BCL2L12: variants seen among roughly 807,000 people sequenced by gnomAD.
BCL2L12 encodes the protein bcl-2-like protein 12.
A neutral mutation model predicts 25.7 loss-of-function variants in BCL2L12; 27 were observed. The observed-to-expected ratio is 1.05, with a 90% CI of 0.78 to 1.45. The LOEUF (loss-of-function observed/expected upper bound fraction) is 1.45, where lower values mean the gene tolerates loss of function less well. BCL2L12 is among the 40% of genes most tolerant of loss of function. The pLI, the probability that BCL2L12 is intolerant of heterozygous loss-of-function variation, is 0.00. For synonymous variants in BCL2L12, 132 were observed against 145.6 expected (o/e 0.91, Z 0.67); for missense variants, 302 against 329.8 (o/e 0.92, Z 0.65).
At position 49,670,264 on chromosome 19, in the gene BCL2L12, G is replaced by T. The variant is rs1374872832; in HGVS notation, c.478G>T (p.Asp160Tyr). ...LRSKLVRLSSDSFARLVELFC... is the reference protein window; with the variant it reads ...LRSKLVRLSSYSFARLVELFC... ...CAGCAAGCTGGTCCGCCTGTCCTCC[G>T]ACTCTTTCGCCCGCCTGGTGGAGCT... Residue 160 changes from aspartate (D) to tyrosine (Y), a missense_variant, in exon 6 of 7, where the codon GAC becomes TAC. Physicochemically the swap from Asp to Tyr is radical, Grantham distance 160. Coordinates refer to ENST00000246784, the MANE Select transcript of BCL2L12 (RefSeq NM_138639.2). 2 of 1,610,374 alleles carry T rather than the reference G, an allele frequency of 1.2e-6. No individual in the cohort carries two copies. The highest frequency in any genetic ancestry group is 1.7e-6 in the Non-Finnish European group (2 of 1,179,584).
At chr19:49,671,544 G>A (rs1403394603) in intron 6 of BCL2L12, among the ~76,000 whole-genome samples, 1 of 152,154 alleles carries the variant, frequency 6.6e-6, no homozygotes, top group Non-Finnish European at 1.5e-5. Flanking sequence ...CAGAGGAGCC[G>A]GGAGGATCAC....
chr19:49,665,633 A>G (rs2081684435), upstream of BCL2L12: 5 of 687,658 alleles, frequency 7.3e-6, 1 homozygote, highest in Admixed American at 8.9e-5. Context: ...CGCGTTACCT[A>G]CGATGGAAGG....
intron 5 of BCL2L12, 117 bp downstream of exon 5, chr19:49,669,232 C>A: frequency 6.7e-7 from 1 of 1,496,058 alleles, no homozygotes; most frequent in South Asian, 1.3e-5. Flanking sequence ...GAGGCTGGGA[C>A]AAGGTTTCAA....
At chr19:49,673,216 C>G (rs1036796984) in intron 6 of BCL2L12, among the ~76,000 whole-genome samples, 3 of 151,862 alleles carry the variant, frequency 2.0e-5, no homozygotes, top group Non-Finnish European at 4.4e-5. Flanking sequence ...TGAGTTTTCT[C>G]GGTGGGCCAG....
At chr19:49,665,630 C>T (rs2081683748), upstream of BCL2L12, 3 of 676,330 alleles carry the variant, frequency 4.4e-6, no homozygotes, top group African/African-American at 1.8e-5. Flanking sequence ...TTCCGCGTTA[C>T]CTACGATGGA....
At chr19:49,665,683 A>G (rs3204440), upstream of BCL2L12, 52,898 of 1,172,822 alleles carry the variant, frequency 0.045, 1,317 homozygotes, top group Middle Eastern at 0.076. Context: ...CCTGTCTTGG[A>G]GCTCCGGGTA....
In BCL2L12 at chr19:49,666,671, C is replaced by T. The variant is rs1241665778; in HGVS notation, c.-8-14C>T. The stretch of plus-strand genomic sequence containing the variant: ...AAACCCTTGGAGTCCAGTCCCTAAC[C>T]CTCTCTCTCACAGGTGCCTCCATGG... On this transcript the variant is annotated splice_polypyrimidine_tract_variant and intron_variant, in intron 1 of 6. Transcript: ENST00000246784. 1 of 1,545,226 alleles carries T rather than the reference C, an allele frequency of 6.5e-7. No individual in the cohort carries two copies. The highest frequency in any genetic ancestry group is 2.4e-5 in the East Asian group (1 of 40,916).
intron 6 of BCL2L12, among the ~76,000 whole-genome samples, 181 bp from the exon 7 acceptor site, chr19:49,673,517 C>G (rs903799282): frequency 6.6e-6 from 1 of 152,114 alleles, no homozygotes; most frequent in African/African-American, 2.4e-5. Flanking sequence ...CTGCTAGGAC[C>G]CTGCCCCCTC....
intron 2 of BCL2L12, 30 bp downstream of exon 2, chr19:49,666,829 GC>G (rs1280266896): frequency 3.2e-6 from 5 of 1,544,714 alleles, no homozygotes; most frequent in South Asian, 1.2e-5. Context: ...TCCCCCAGGG[GC>G]CAGCATTTGA....
chr19:49,668,745 T>C, intron 3 of BCL2L12, 106 bp from the exon 4 acceptor site: 1 of 1,103,214 alleles, frequency 9.1e-7, no homozygotes, highest in Non-Finnish European at 1.3e-6. Context: ...AAATAAATAA[T>C]AAATAAAATG....
intron 2 of BCL2L12, 66 bp downstream of exon 2, chr19:49,666,865 G>C: frequency 1.3e-6 from 2 of 1,520,480 alleles, no homozygotes; most frequent in Non-Finnish European, 8.9e-7. Flanking sequence ...TCTTGCTCCT[G>C]GTCTCAGTCT....
chr19:49,668,599 G>A (rs1402702234), intron 3 of BCL2L12, among the ~76,000 whole-genome samples: 1 of 151,862 alleles, frequency 6.6e-6, no homozygotes, highest in Non-Finnish European at 1.5e-5. Flanking sequence ...AGGTCAGCCT[G>A]GGCAACACGG....
At chr19:49,665,703 C>A, upstream of BCL2L12, 2 of 1,366,556 alleles carry the variant, frequency 1.5e-6, no homozygotes, top group South Asian at 1.4e-5. Flanking sequence ...AGCTCTCAAA[C>A]TCGAGGCTGC....
chr19:49,669,322 G>A (rs1288036958), intron 5 of BCL2L12, among the ~76,000 whole-genome samples: 2 of 152,086 alleles, frequency 1.3e-5, no homozygotes, highest in African/African-American at 2.4e-5. Flanking sequence ...GATGACTTGA[G>A]GTCAGGAGTT....
Position 49,670,340 on chromosome 19 carries a change from C to T in BCL2L12, c.554C>T (p.Pro185Leu). The T allele has an allele frequency of 4.4e-6, 7 of 1,600,920 alleles. No individual in the cohort carries two copies. The highest frequency in any genetic ancestry group is 2.3e-5 in the East Asian group (1 of 44,366). ...SSRPSRACPGPPPPSPEPLAR... is the reference protein window; with the variant it reads ...SSRPSRACPGLPPPSPEPLAR... ...CGCCCAAGCCGAGCATGCCCCGGGC[C>T]CCCGCCTCCTTCCCCGGAGCCCCTG... is the stretch of plus-strand genomic sequence containing the variant. The change falls in exon 6 of 7, where the codon CCC becomes CTC. Residue 185 changes from proline to leucine, a missense_variant. Coordinates refer to ENST00000246784, the MANE Select transcript of BCL2L12 (RefSeq NM_138639.2).
chr19:49,671,938 T>G (rs1338705210), intron 6 of BCL2L12, among the ~76,000 whole-genome samples: 1 of 152,196 alleles, frequency 6.6e-6, no homozygotes, highest in Non-Finnish European at 1.5e-5. Flanking sequence ...TCCCCCTTCC[T>G]GCTTTACTTT....
intron 5 of BCL2L12, 27 bp from the exon 6 acceptor site, chr19:49,670,189 G>C (rs1599919250): frequency 8.2e-6 from 13 of 1,592,966 alleles, no homozygotes; most frequent in Non-Finnish European, 1.1e-5. Context: ...CGCTGCTGAC[G>C]CGGACCCTGC....
intron 5 of BCL2L12, 97 bp downstream of exon 5, chr19:49,669,212 C>T (rs1439134243): frequency 4.6e-6 from 7 of 1,532,854 alleles, no homozygotes; most frequent in Non-Finnish European, 4.4e-6. Context: ...TTTGGATGGT[C>T]AGGTGGAAAG....
At chr19:49,667,192 C>G in intron 3 of BCL2L12, 31 bp downstream of exon 3, 1 of 1,603,792 alleles carries the variant, frequency 6.2e-7, no homozygotes, top group Non-Finnish European at 8.5e-7. Flanking sequence ...TCTATGAAGC[C>G]GGCAGAACAC....
Sources: allele counts gnomAD v4.1 joint callset (sites outside exome capture counted in the v4.1 genomes callset), GRCh38; gene constraint gnomAD v4.1.1; transcripts MANE v1.5; gene names NCBI Gene and HGNC (gene_info 2026-07-23, HGNC 2026-07-21).